The following KIRREL3 variants were observed in gnomAD, a reference collection of about 807,000 sequenced individuals.
KIRREL3 encodes kin of IRRE-like protein 3.
A neutral mutation model predicts 89.7 loss-of-function variants in KIRREL3; 36 were observed. The ratio of observed to expected loss-of-function variants is 0.40; its 90% CI spans 0.31 to 0.53. The LOEUF is 0.53. Among genes scored for constraint, KIRREL3 ranks in the 20% least tolerant of loss-of-function variants. KIRREL3 has a pLI of 0.49. For missense variants in KIRREL3, 864 were observed against 1,056.6 expected (o/e 0.82, Z 2.53); for synonymous variants, 445 against 441.4 (o/e 1.01, Z -0.10).
At chr11:126,679,242 G>A (rs1946342385) in intron 1 of KIRREL3, among the ~76,000 whole-genome samples, 1 of 152,190 alleles carries the variant, frequency 6.6e-6, no homozygotes, top group African/African-American at 2.4e-5. Flanking sequence ...TCACCCAGCT[G>A]ACAGCCCAAC....
Position 126,535,342 on chromosome 11 carries a change from C to A in KIRREL3, c.134-8655G>T, listed in dbSNP as rs1231157329. Reference sequence around the variant, plus strand: ...GCAGCACACATTATCACGGAATGAACCATCACCATCTGGCTCCCAAAGTCC... The same window carrying A: ...GCAGCACACATTATCACGGAATGAAACATCACCATCTGGCTCCCAAAGTCC... On this transcript the variant is annotated intron_variant, in intron 2 of 16. Coordinates refer to ENST00000525144, the MANE Select transcript of KIRREL3 (RefSeq NM_032531.4). This position sits in a 1 kb window ranked among gnomAD's most constrained non-coding sequence, Gnocchi z 4.5. 6.6e-6 allele frequency among the ~76,000 whole-genome samples: 1 copy of A among 152,158 alleles called. No homozygotes were observed. The highest frequency in any genetic ancestry group is 1.5e-5 in the Non-Finnish European group (1 of 68,038).
rs1958532689 is a variant in KIRREL3, at chr11:126,519,964, T to A, written c.433+1351A>T. Among the ~76,000 whole-genome samples the A allele has an allele frequency of 6.6e-6, 1 of 152,118 alleles. No homozygotes were observed. ...TTACCCCCGCTGGAACAGGTTTATT[T>A]TCTCATTCCTTTCATCGCAGGCCTG... On this transcript the variant is annotated intron_variant, in intron 4 of 16. Coordinates refer to ENST00000525144, the MANE Select transcript of KIRREL3 (RefSeq NM_032531.4). The surrounding 1 kb of genome is among the most constrained non-coding windows in gnomAD (Gnocchi z 4.3).
chr11:126,882,703 G>A (rs1945549405), intron 1 of KIRREL3, among the ~76,000 whole-genome samples: 1 of 152,208 alleles, frequency 6.6e-6, no homozygotes, highest in Non-Finnish European at 1.5e-5. Context: ...TGCCTAAAGT[G>A]CAGCAAAGAG....
At chr11:126,980,601 G>A (rs547249100) in intron 1 of KIRREL3, among the ~76,000 whole-genome samples, 80 of 152,162 alleles carry the variant, frequency 5.3e-4, no homozygotes, top group Non-Finnish European at 1.0e-3. Flanking sequence ...GGCAATGGAA[G>A]GAAAAATGGA....
chr11:126,821,174 A>C (rs939522), intron 1 of KIRREL3, among the ~76,000 whole-genome samples: 130,659 of 151,338 alleles, frequency 0.86, 56,766 homozygotes, highest in East Asian at 1. Context: ...TCAGGGACAG[A>C]TAAGCAAGCA....
chr11:126,633,214 C>T (rs1012578675), intron 1 of KIRREL3, among the ~76,000 whole-genome samples: 5 of 151,744 alleles, frequency 3.3e-5, no homozygotes, highest in African/African-American at 7.3e-5. Flanking sequence ...CAACACACAC[C>T]GGGGCCTGTT....
intron 1 of KIRREL3, among the ~76,000 whole-genome samples, chr11:126,727,943 GA>G (rs1298075302): frequency 6.6e-6 from 1 of 151,964 alleles, no homozygotes; most frequent in African/African-American, 2.4e-5. Context: ...CGGAGGGAAG[GA>G]ATTGGCTTGA....
chr11:126,886,875 T>C (rs2134743899), intron 1 of KIRREL3, among the ~76,000 whole-genome samples: 1 of 152,260 alleles, frequency 6.6e-6, no homozygotes, highest in Admixed American at 6.5e-5. Flanking sequence ...TCTGCCCCAC[T>C]CTTGACAGGA....
At chr11:126,505,050 A>G (rs1957978914) in intron 4 of KIRREL3, among the ~76,000 whole-genome samples, 1 of 152,242 alleles carries the variant, frequency 6.6e-6, no homozygotes, top group Non-Finnish European at 1.5e-5. Flanking sequence ...CTAACATTAT[A>G]CTTTAAAATA....
intron 1 of KIRREL3, among the ~76,000 whole-genome samples, chr11:126,700,571 C>T (rs1426398645): frequency 2.0e-5 from 3 of 152,186 alleles, no homozygotes; most frequent in African/African-American, 7.2e-5. Flanking sequence ...TGCTGCTGTC[C>T]CCAGATCAGC....
In KIRREL3 at chr11:126,912,130, C is replaced by T. The variant is rs912732032; in HGVS notation, c.55+88325G>A. Among the ~76,000 whole-genome samples the T allele has an allele frequency of 3.9e-5, 6 of 152,056 alleles. No individual in the cohort carries two copies. The highest frequency in any genetic ancestry group is 1.9e-4 in the East Asian group (1 of 5,168). ...CCTGGCAGTCTGGAAGCCTAGATGTCGTGAATCAAGCCTCTGGCAAGGACA... is the reference window on the plus strand; with the variant it reads ...CCTGGCAGTCTGGAAGCCTAGATGTTGTGAATCAAGCCTCTGGCAAGGACA... On this transcript the variant is annotated intron_variant, in intron 1 of 16. Coordinates refer to ENST00000525144, the MANE Select transcript of KIRREL3 (RefSeq NM_032531.4). This position sits in a 1 kb window ranked among gnomAD's most constrained non-coding sequence, Gnocchi z 4.7.
intron 5 of KIRREL3, among the ~76,000 whole-genome samples, chr11:126,472,447 CT>C (rs113260182): frequency 1.3e-5 from 2 of 152,126 alleles, no homozygotes; most frequent in African/African-American, 4.8e-5. Context: ...CCTCAGGCCT[CT>C]TTTTTGTAAG....
intron 1 of KIRREL3, chr11:126,681,709 T>C (rs779628586): frequency 1.2e-4 from 41 of 352,134 alleles, no homozygotes; most frequent in Non-Finnish European, 1.9e-4. Context: ...TCGTGTATAG[T>C]AGGTGATCAA....
intron 1 of KIRREL3, among the ~76,000 whole-genome samples, chr11:126,911,228 A>G (rs1305396504): frequency 6.6e-6 from 1 of 152,222 alleles, no homozygotes; most frequent in Non-Finnish European, 1.5e-5. Context: ...AAAGGAGACC[A>G]GCAAATAAAA....
chr11:126,589,695 C>T (rs954836556), intron 1 of KIRREL3, among the ~76,000 whole-genome samples: 5 of 152,332 alleles, frequency 3.3e-5, no homozygotes, highest in African/African-American at 1.2e-4. Flanking sequence ...TGATCCGTGA[C>T]ACAGATGTAC....
At chr11:126,923,260 T>C (rs868671838) in intron 1 of KIRREL3, among the ~76,000 whole-genome samples, 6 of 96,710 alleles carry the variant, frequency 6.2e-5, no homozygotes, top group African/African-American at 9.3e-5. Context: ...TTCTTCTTCT[T>C]CTTCTTCTCC....
Position 127,000,014 on chromosome 11 carries a change from C to T in KIRREL3, c.55+441G>A, listed in dbSNP as rs939465284. Among the ~76,000 whole-genome samples, 2 of 152,080 alleles carry T rather than the reference C, an allele frequency of 1.3e-5. No individual in the cohort carries two copies. The highest frequency in any genetic ancestry group is 2.4e-5 in the African/African-American group (1 of 41,398). ...ACATTCGCTTTTGAATACACTTGTG[C>T]AAGTCAAACCCTATTCAAGCTGAAA... On this transcript the variant is annotated intron_variant, in intron 1 of 16. Coordinates refer to ENST00000525144, the MANE Select transcript of KIRREL3 (RefSeq NM_032531.4). This position sits in a 1 kb window ranked among gnomAD's most constrained non-coding sequence, Gnocchi z 7.1.
Position 126,495,622 on chromosome 11 carries a change from G to A in KIRREL3, c.434-22156C>T, listed in dbSNP as rs559942343. Among the ~76,000 whole-genome samples the A allele has an allele frequency of 6.6e-6, 1 of 152,300 alleles. No homozygotes were observed. Among genetic ancestry groups the A allele is most frequent in the South Asian group, 2.1e-4 (1 of 4,822 alleles). On this transcript the variant is annotated intron_variant, in intron 4 of 16. Coordinates refer to ENST00000525144, the MANE Select transcript of KIRREL3 (RefSeq NM_032531.4). The surrounding 1 kb of genome is among the most constrained non-coding windows in gnomAD (Gnocchi z 6.5). Reference sequence around the variant, plus strand: ...GATGCCTCAGGAAGGAAGCGACCCTGTTGTGTCCTCCCTGCTGTGACACCA... The same window carrying A: ...GATGCCTCAGGAAGGAAGCGACCCTATTGTGTCCTCCCTGCTGTGACACCA...
intron 1 of KIRREL3, among the ~76,000 whole-genome samples, chr11:126,617,049 A>T (rs1341666896): frequency 6.6e-6 from 1 of 152,240 alleles, no homozygotes; most frequent in Non-Finnish European, 1.5e-5. Flanking sequence ...CCAGTTTTCC[A>T]TCAGAGCAGG....
Sources: allele counts gnomAD v4.1 joint callset (sites outside exome capture counted in the v4.1 genomes callset), GRCh38; gene constraint gnomAD v4.1.1; non-coding constraint Gnocchi (gnomAD v3.1); transcripts MANE v1.5; gene names NCBI Gene and HGNC (gene_info 2026-07-23, HGNC 2026-07-21).